The following NKAIN2 variants were observed in gnomAD, a reference collection of about 807,000 sequenced individuals.
NKAIN2 encodes sodium/potassium-transporting ATPase subunit beta-1-interacting protein 2.
NKAIN2 carries 14 observed loss-of-function variants against 32.6 expected under a neutral mutation model. The observed-to-expected ratio is 0.43, with a 90% confidence interval of 0.28 to 0.67. The LOEUF is 0.67. NKAIN2 is among the 30% of genes least tolerant of loss of function. The probability of loss-of-function intolerance (pLI) is 0.17; values close to 1 mark genes in which losing one functional copy is unlikely to be tolerated. For missense variants in NKAIN2, 198 were observed against 258.3 expected (o/e 0.77, Z 1.60); for synonymous variants, 80 against 87.2 (o/e 0.92, Z 0.46).
At chr6:124,170,488 G>C (rs1365308877) in intron 1 of NKAIN2, among the ~76,000 whole-genome samples, 1 of 152,130 alleles carries the variant, frequency 6.6e-6, no homozygotes, top group Non-Finnish European at 1.5e-5. Context: ...AGAATGTCAA[G>C]ACAAAATCAT....
chr6:124,229,348 C>G lies in NKAIN2; in HGVS notation c.55-53657C>G, dbSNP rs187419590. On this transcript the variant is annotated intron_variant, in intron 1 of 6. Transcript: ENST00000368417. ...TGACCTAGCCATGAAGATATATGGA[C>G]TATGTGAAGGGCAATCTGTAGTCAC... 3.6e-4 allele frequency among the ~76,000 whole-genome samples: 55 copies of G among 152,212 alleles called. No individual in the cohort carries two copies. In the East Asian group the frequency reaches 9.9e-3, roughly 27 times the overall value.
Position 123,957,810 on chromosome 6 carries a change from A to C in NKAIN2, c.54+153556A>C, listed in dbSNP as rs867522743. Among the ~76,000 whole-genome samples the C allele has an allele frequency of 4.9e-4, 75 of 152,162 alleles. 1 individual carries two copies. The highest frequency in any genetic ancestry group is 3.2e-3 in the Middle Eastern group (1 of 316). On this transcript the variant is annotated intron_variant, in intron 1 of 6. Coordinates refer to ENST00000368417, the MANE Select transcript of NKAIN2 (RefSeq NM_001040214.3). ...TCTTAAAGTAATTAATAAGAGGATAAAAAAGAGGTTAAAATACAATTTGAA... is the reference window on the plus strand; with the variant it reads ...TCTTAAAGTAATTAATAAGAGGATACAAAAGAGGTTAAAATACAATTTGAA...
Position 124,823,204 on chromosome 6 carries a change from C to A in NKAIN2, c.618-16C>A. The A allele has an allele frequency of 1.3e-6, 2 of 1,567,532 alleles. No homozygotes were observed. The highest frequency in any genetic ancestry group is 2.2e-5 in the South Asian group (2 of 90,286). ...CACTTTCCCCCTTGACTAAAAACAT[C>A]TTTTCTCTCTCTCAGGTCAAAATAA... On this transcript the variant is annotated splice_polypyrimidine_tract_variant and intron_variant, in intron 6 of 6. Transcript: ENST00000368417.
chr6:124,178,159 A>G (rs948697018), intron 1 of NKAIN2, among the ~76,000 whole-genome samples: 4 of 152,186 alleles, frequency 2.6e-5, no homozygotes, highest in African/African-American at 4.8e-5. Flanking sequence ...GAGGGCTTCA[A>G]TAGACTCCAA....
intron 4 of NKAIN2, among the ~76,000 whole-genome samples, chr6:124,719,750 T>C (rs1271450530): frequency 2.0e-5 from 3 of 151,980 alleles, no homozygotes; most frequent in Admixed American, 2.0e-4. Context: ...TAGGAAAGTT[T>C]GTATGCGCAG....
chr6:124,679,863 CCATT>C (rs1370650722), intron 4 of NKAIN2, among the ~76,000 whole-genome samples: 1 of 152,008 alleles, frequency 6.6e-6, no homozygotes, highest in Non-Finnish European at 1.5e-5. Context: ...GAAGTAGTGA[CCATT>C]CAGGATTTTT....
At chr6:124,636,683 A>T (rs1562297554) in intron 3 of NKAIN2, among the ~76,000 whole-genome samples, 1 of 152,008 alleles carries the variant, frequency 6.6e-6, no homozygotes, top group Non-Finnish European at 1.5e-5. Flanking sequence ...CTAGACATAT[A>T]TAACCTACCA....
At chr6:124,484,266 T>A (rs1405908177) in intron 3 of NKAIN2, among the ~76,000 whole-genome samples, 1 of 152,220 alleles carries the variant, frequency 6.6e-6, no homozygotes, top group Non-Finnish European at 1.5e-5. Flanking sequence ...CTGTTTAGAA[T>A]CCTCAGGACC....
intron 1 of NKAIN2, among the ~76,000 whole-genome samples, chr6:123,974,000 G>T (rs577609463): frequency 2.0e-5 from 3 of 152,002 alleles, no homozygotes; most frequent in Non-Finnish European, 4.4e-5. Context: ...TCAAAGACAC[G>T]AAACTTTTAT....
At chr6:123,899,031 T>C (rs539440323) in intron 1 of NKAIN2, among the ~76,000 whole-genome samples, 38 of 152,342 alleles carry the variant, frequency 2.5e-4, no homozygotes, top group Admixed American at 2.2e-3. Context: ...CAGAGGTGGG[T>C]CAAATCACTT....
At chr6:124,542,829 T>C (rs916352751) in intron 3 of NKAIN2, among the ~76,000 whole-genome samples, 1 of 152,096 alleles carries the variant, frequency 6.6e-6, no homozygotes, top group African/African-American at 2.4e-5. Context: ...ATGAATAAAC[T>C]AAATAAAAAC....
intron 2 of NKAIN2, 91 bp downstream of exon 2, chr6:124,283,233 A>G (rs2114922305): frequency 2.5e-6 from 2 of 811,488 alleles, no homozygotes; most frequent in Non-Finnish European, 4.1e-6. Flanking sequence ...TGTATAATCT[A>G]TCTTAAAGAT....
intron 1 of NKAIN2, among the ~76,000 whole-genome samples, chr6:124,278,926 G>T (rs1390217528): frequency 1.3e-5 from 2 of 151,806 alleles, no homozygotes; most frequent in South Asian, 2.1e-4. Context: ...CCTTAATAAG[G>T]ATATAATGAG....
intron 1 of NKAIN2, among the ~76,000 whole-genome samples, chr6:124,008,114 A>G (rs370547569): frequency 7.5e-4 from 114 of 152,272 alleles, no homozygotes; most frequent in African/African-American, 2.6e-3. Flanking sequence ...GGCAGAGTAC[A>G]TGGCCAGGGT....
At chr6:124,023,662 T>C (rs1264288946) in intron 1 of NKAIN2, among the ~76,000 whole-genome samples, 3 of 152,230 alleles carry the variant, frequency 2.0e-5, no homozygotes, top group Non-Finnish European at 2.9e-5. Flanking sequence ...CTTTTCCTTA[T>C]TGCAGGACAG....
chr6:124,218,366 C>G (rs1173657344), intron 1 of NKAIN2, among the ~76,000 whole-genome samples: 1 of 152,096 alleles, frequency 6.6e-6, no homozygotes, highest in Non-Finnish European at 1.5e-5. Context: ...GTTATTCTCA[C>G]ATGACTGATA....
intron 3 of NKAIN2, among the ~76,000 whole-genome samples, chr6:124,640,767 C>T (rs879500333): frequency 2.0e-5 from 3 of 152,130 alleles, no homozygotes; most frequent in African/African-American, 7.2e-5. Flanking sequence ...AGATTTTGAG[C>T]CTGGAAGTTC....
At chr6:124,524,629 G>A (rs1167325329) in intron 3 of NKAIN2, among the ~76,000 whole-genome samples, 1 of 152,168 alleles carries the variant, frequency 6.6e-6, no homozygotes, top group East Asian at 1.9e-4. Flanking sequence ...CCCCTTGTCT[G>A]ATGAATAAAT....
At chr6:124,510,672 T>C (rs1054920994) in intron 3 of NKAIN2, among the ~76,000 whole-genome samples, 3 of 152,192 alleles carry the variant, frequency 2.0e-5, no homozygotes, top group African/African-American at 7.2e-5. Flanking sequence ...CTCAATCCTT[T>C]CAGCTTGTTT....
Sources: allele counts gnomAD v4.1 joint callset (sites outside exome capture counted in the v4.1 genomes callset), GRCh38; gene constraint gnomAD v4.1.1; transcripts MANE v1.5; gene names NCBI Gene and HGNC (gene_info 2026-07-23, HGNC 2026-07-21).